Variants in PKNOX1 observed in about 807,000 individuals in gnomAD.
The protein encoded by PKNOX1 is homeobox protein PKNOX1.
PKNOX1 carries 15 observed loss-of-function variants against 51.9 expected under a neutral mutation model. The observed-to-expected ratio is 0.29, with a 90% confidence interval of 0.19 to 0.45. The LOEUF is 0.45. Ranked by LOEUF, PKNOX1 falls within the 20% of genes least tolerant of loss-of-function variation. PKNOX1 has a pLI of 1.00. For synonymous variants in PKNOX1, 219 were observed against 211.1 expected, an observed-to-expected ratio of 1.04 and a Z score of -0.32; for missense variants, 462 against 547.5, an observed-to-expected ratio of 0.84 and a Z score of 1.56.
chr21:43,024,827 T>G, intron 8 of PKNOX1, 44 bp from the exon 9 acceptor site: 1 of 1,265,572 alleles, frequency 7.9e-7, no homozygotes, highest in Admixed American at 1.8e-5. Flanking sequence ...TTGATTTCCT[T>G]TGTAAACTCG....
chr21:42,980,189 A>G (rs541065700), intron 1 of PKNOX1, among the ~76,000 whole-genome samples: 9 of 152,146 alleles, frequency 5.9e-5, no homozygotes, highest in African/African-American at 1.9e-4. Flanking sequence ...CCTGGCCAAG[A>G]TGGGGCAACC....
chr21:43,016,474 A>G (rs1170928286), intron 5 of PKNOX1, among the ~76,000 whole-genome samples: 1 of 152,186 alleles, frequency 6.6e-6, no homozygotes, highest in Non-Finnish European at 1.5e-5. Flanking sequence ...GGTCACTTCT[A>G]GTGCCTCCCA....
At chr21:43,013,281 G>A (rs370937500) in intron 5 of PKNOX1, 43 bp downstream of exon 5, 2 of 1,432,148 alleles carry the variant, frequency 1.4e-6, no homozygotes, top group Middle Eastern at 1.9e-4. Flanking sequence ...CTGCCACTGT[G>A]AACATCTGCA....
At chr21:42,989,699 G>A (rs13047824) in intron 1 of PKNOX1, among the ~76,000 whole-genome samples, 5,345 of 152,218 alleles carry the variant, frequency 0.035, 134 homozygotes, top group Middle Eastern at 0.061. Flanking sequence ...GATTACAGTC[G>A]TGAGCCACCG....
intron 1 of PKNOX1, among the ~76,000 whole-genome samples, chr21:42,996,392 G>A (rs1262484483): frequency 6.6e-6 from 1 of 152,108 alleles, no homozygotes; most frequent in Non-Finnish European, 1.5e-5. Context: ...GATTCTTGTG[G>A]AAGGCCGCTA....
chr21:43,005,631 G>A (rs1411307920), intron 2 of PKNOX1, among the ~76,000 whole-genome samples: 1 of 151,718 alleles, frequency 6.6e-6, no homozygotes, highest in African/African-American at 2.4e-5. Context: ...CAAAGACTGA[G>A]CTGCTCTGTG....
chr21:43,032,263 T>C lies in PKNOX1; in HGVS notation c.*2162T>C, dbSNP rs751528556. On this transcript the variant is annotated 3_prime_UTR_variant, in exon 11 of 11. Coordinates refer to ENST00000291547, the MANE Select transcript of PKNOX1 (RefSeq NM_004571.5). The stretch of plus-strand genomic sequence containing the variant: ...TCATTTTTAACCTAAGTTCCAACTT[T>C]GTTGGACTCCTTAAAATAAGCACCC... 6 of 437,716 alleles carry C rather than the reference T, an allele frequency of 1.4e-5. No individual in the cohort carries two copies. The highest frequency in any genetic ancestry group is 1.1e-4 in the African/African-American group (5 of 47,180). The allele number at this position is 437,716 out of a possible 1,614,324, so 27.1% of individuals were successfully genotyped here.
At chr21:43,013,864 G>C (rs1302456000) in intron 5 of PKNOX1, among the ~76,000 whole-genome samples, 4 of 152,084 alleles carry the variant, frequency 2.6e-5, no homozygotes, top group African/African-American at 7.2e-5. Flanking sequence ...CCATGCGGAA[G>C]CACTATTGTG....
chr21:42,990,117 A>C (rs868300537), intron 1 of PKNOX1, among the ~76,000 whole-genome samples: 1 of 151,734 alleles, frequency 6.6e-6, no homozygotes, highest in Non-Finnish European at 1.5e-5. Flanking sequence ...AAATAATAAT[A>C]ATAAGCGGAC....
chr21:43,014,223 G>C (rs1418312121), intron 5 of PKNOX1, among the ~76,000 whole-genome samples: 1 of 151,836 alleles, frequency 6.6e-6, no homozygotes. Flanking sequence ...GGGTTTCACC[G>C]TATTAGCCAG....
chr21:43,000,508 G>T (rs372075633), intron 1 of PKNOX1, among the ~76,000 whole-genome samples: 5 of 152,170 alleles, frequency 3.3e-5, no homozygotes, highest in East Asian at 1.9e-4. Flanking sequence ...TTCACTATCA[G>T]GAGAACAACA....
chr21:42,975,782 C>A (rs1303349126), intron 1 of PKNOX1, among the ~76,000 whole-genome samples: 2 of 152,224 alleles, frequency 1.3e-5, no homozygotes, highest in Admixed American at 1.3e-4. Flanking sequence ...GGTTCTCTTC[C>A]AACTCTACGA....
At chr21:43,001,359 A>C (rs1978743373) in intron 1 of PKNOX1, among the ~76,000 whole-genome samples, 1 of 152,176 alleles carries the variant, frequency 6.6e-6, no homozygotes, top group African/African-American at 2.4e-5. Context: ...GCTCAGTCAC[A>C]GCCTTCTCCC....
intron 2 of PKNOX1, among the ~76,000 whole-genome samples, chr21:43,007,180 A>C (rs1979023515): frequency 1.3e-5 from 2 of 152,188 alleles, no homozygotes; most frequent in Admixed American, 1.3e-4. Flanking sequence ...ACACGTGAGG[A>C]GATATAGCAA....
rs979911716 is a variant in PKNOX1, at chr21:42,992,946, C to T, written c.-56-11380C>T. Among the ~76,000 whole-genome samples the T allele has an allele frequency of 6.2e-4, 88 of 142,854 alleles. 1 individual carries two copies. The Middle Eastern group carries it at 0.012, about 19-fold the overall frequency. The allele number at this position is 142,854 out of a possible 152,430, so 93.7% of individuals were successfully genotyped here. On this transcript the variant is annotated intron_variant, in intron 1 of 10. Transcript: ENST00000291547. ...TCAGCACTGGGGGTCTCCTTTATGTCATTAGGGGGCTTTCTCATAGCAGTG... is the reference window on the plus strand; with the variant it reads ...TCAGCACTGGGGGTCTCCTTTATGTTATTAGGGGGCTTTCTCATAGCAGTG...
At chr21:43,029,034 C>A in intron 10 of PKNOX1, 160 bp downstream of exon 10, 1 of 701,796 alleles carries the variant, frequency 1.4e-6, no homozygotes, top group African/African-American at 1.8e-5. Context: ...AAGCTGCATT[C>A]TGCGTGCACG....
chr21:43,021,695 G>C lies in PKNOX1; in HGVS notation c.849+264G>C, dbSNP rs1413539137. ...AGACAGCCCACCACGAAGGGTGATGGGGTCAGGTGAGCCAGAAAAGTGGGC... is the reference window on the plus strand; with the variant it reads ...AGACAGCCCACCACGAAGGGTGATGCGGTCAGGTGAGCCAGAAAAGTGGGC... On this transcript the variant is annotated intron_variant, in intron 8 of 10. Transcript: ENST00000291547. The surrounding 1 kb of genome is among the most constrained non-coding windows in gnomAD (Gnocchi z 4.6). Among the ~76,000 whole-genome samples, 1 of 152,222 alleles carries C rather than the reference G, an allele frequency of 6.6e-6. No individual in the cohort carries two copies. The highest frequency in any genetic ancestry group is 1.5e-5 in the Non-Finnish European group (1 of 68,032).
At chr21:42,975,240 C>T (rs1223354117) in intron 1 of PKNOX1, among the ~76,000 whole-genome samples, 1 of 148,914 alleles carries the variant, frequency 6.7e-6, no homozygotes, top group African/African-American at 2.5e-5. Context: ...AGATGGCGGC[C>T]GCGACCCCGG....
intron 1 of PKNOX1, chr21:43,003,954 T>C (rs1181965578): frequency 6.3e-6 from 1 of 158,938 alleles, no homozygotes; most frequent in Non-Finnish European, 1.4e-5. Context: ...TTGGATGTCA[T>C]GGGCTGGGTG....
Sources: gnomAD v4.1 joint callset for allele counts (sites outside exome capture counted in the v4.1 genomes callset) on GRCh38, gnomAD v4.1.1 for gene constraint, Gnocchi (gnomAD v3.1) non-coding constraint, MANE v1.5 for transcripts, NCBI Gene and HGNC (gene_info 2026-07-23, HGNC 2026-07-21) for gene names.